The following AOPEP variants were observed in gnomAD, a reference collection of about 807,000 sequenced individuals.
The protein encoded by AOPEP is aminopeptidase O.
Under a neutral mutation model 98.1 loss-of-function variants are expected in AOPEP, and 77 were observed. The observed-to-expected ratio is 0.78, with a 90% CI of 0.65 to 0.95. The LOEUF is 0.95. Ranked by LOEUF, AOPEP falls within the 40% of genes least tolerant of loss-of-function variation. AOPEP has a pLI of 0.00. For missense variants in AOPEP, 1,024 were observed against 1,024.7 expected, an observed-to-expected ratio of 1.00 and a Z score of 0.01; for synonymous variants, 346 against 365.3, an observed-to-expected ratio of 0.95 and a Z score of 0.60.
chr9:95,101,357 T>A, the AOPEP span: 1 of 390,342 alleles, frequency 2.6e-6, no homozygotes, highest in Non-Finnish European at 4.7e-6. Context: ...TTTGAATTTT[T>A]AAATAATAGA....
intron 11 of AOPEP, among the ~76,000 whole-genome samples, chr9:94,982,804 C>G (rs575744344): frequency 6.6e-6 from 1 of 152,062 alleles, no homozygotes; most frequent in African/African-American, 2.4e-5. Context: ...TTGCACATTC[C>G]GCTAATTTGA....
At chr9:95,060,344 G>C (rs1377027584) in intron 13 of AOPEP, among the ~76,000 whole-genome samples, 1 of 152,176 alleles carries the variant, frequency 6.6e-6, no homozygotes, top group Non-Finnish European at 1.5e-5. Flanking sequence ...TCTTTGTCTA[G>C]GCTAAATTAC....
chr9:94,914,822 T>C (rs1332708691), intron 5 of AOPEP, among the ~76,000 whole-genome samples: 2 of 152,204 alleles, frequency 1.3e-5, no homozygotes, highest in Non-Finnish European at 2.9e-5. Context: ...TCCTAGGCCC[T>C]ACCCAGGCCT....
rs1264389207 is a variant in AOPEP at position 94,759,892 on chromosome 9, C to T, written c.109C>T (p.Gln37Ter). Residue 37 changes from glutamine to a stop codon, truncating the protein, a stop_gained, in exon 2 of 17, where the codon CAA becomes TAA. Transcript: ENST00000375315. LOFTEE classifies it high-confidence loss of function. The part of the protein sequence containing the change: ...VLDLDVDFES[Q>*]VIEGTIVLFL... The stretch of plus-strand genomic sequence containing the variant: ...GGATTTGGATGTGGATTTTGAAAGT[C>T]AAGTCATTGAGGGGACCATAGTGCT... The T allele has an allele frequency of 2.5e-6, 4 of 1,614,098 alleles. No individual in the cohort carries two copies. The highest frequency in any genetic ancestry group is 3.4e-6 in the Non-Finnish European group (4 of 1,180,004).
intron 3 of AOPEP, among the ~76,000 whole-genome samples, chr9:94,784,187 TTATG>T (rs1350582903): frequency 1.3e-5 from 2 of 152,174 alleles, no homozygotes; most frequent in Admixed American, 6.5e-5. Flanking sequence ...AGCAGAGTGG[TTATG>T]TGTGTGTGGT....
intron 11 of AOPEP, among the ~76,000 whole-genome samples, chr9:94,984,298 G>C (rs2060383608): frequency 6.6e-6 from 1 of 152,048 alleles, no homozygotes; most frequent in African/African-American, 2.4e-5. Flanking sequence ...CAAAGTGCTG[G>C]GATTACAGGC....
chr9:94,912,442 C>T (rs992225710), intron 5 of AOPEP, among the ~76,000 whole-genome samples: 6 of 152,084 alleles, frequency 3.9e-5, no homozygotes, highest in African/African-American at 1.4e-4. Context: ...TGATATGTTA[C>T]TAACACTTCA....
intron 5 of AOPEP, among the ~76,000 whole-genome samples, chr9:94,802,672 A>G (rs940066143): frequency 3.3e-5 from 5 of 152,230 alleles, no homozygotes; most frequent in African/African-American, 1.2e-4. Flanking sequence ...ACTTAGCAAC[A>G]ACAAGACTGC....
intron 1 of AOPEP, among the ~76,000 whole-genome samples, chr9:94,747,487 C>G (rs1040814491): frequency 5.3e-5 from 8 of 151,922 alleles, no homozygotes; most frequent in African/African-American, 1.9e-4. Flanking sequence ...ACATATAGCT[C>G]AATGTTGTTT....
chr9:95,049,948 C>T (rs927134212), intron 13 of AOPEP, among the ~76,000 whole-genome samples: 3 of 152,202 alleles, frequency 2.0e-5, no homozygotes, highest in African/African-American at 7.2e-5. Context: ...CATTTCAGAT[C>T]CCCTGCTCCC....
chr9:94,814,651 A>G (rs1564184006), intron 5 of AOPEP, among the ~76,000 whole-genome samples: 1 of 152,228 alleles, frequency 6.6e-6, no homozygotes, highest in Non-Finnish European at 1.5e-5. Flanking sequence ...GCTGCTGGGT[A>G]ATATTAGTTC....
At chr9:94,992,550 T>C (rs2060960377) in intron 11 of AOPEP, among the ~76,000 whole-genome samples, 1 of 151,884 alleles carries the variant, frequency 6.6e-6, no homozygotes, top group South Asian at 2.1e-4. Context: ...TTTCACAGAG[T>C]TCTTTATTAT....
At chr9:94,792,269 C>T (rs1456353711) in intron 3 of AOPEP, among the ~76,000 whole-genome samples, 1 of 152,190 alleles carries the variant, frequency 6.6e-6, no homozygotes, top group African/African-American at 2.4e-5. Flanking sequence ...GTCTCCCTTC[C>T]CTAGTCTCAT....
In AOPEP at chr9:95,026,811, A is replaced by G. The variant is rs75565062; in HGVS notation, c.2115+21195A>G. On this transcript the variant is annotated intron_variant, in intron 13 of 16. Coordinates refer to ENST00000375315, the MANE Select transcript of AOPEP (RefSeq NM_001193329.3). ...GGCTATACCACATTACCTTCCCACC[A>G]GTGATGAACAAGGGTCCCAGTTTCT... Among the ~76,000 whole-genome samples the G allele has an allele frequency of 5.1e-3, 784 of 152,334 alleles. 31 individuals carry two copies. In the East Asian group the frequency reaches 0.094, roughly 18 times the overall value.
chr9:95,118,677 TTG>T, the AOPEP span, among the ~76,000 whole-genome samples: 1 of 152,260 alleles, frequency 6.6e-6, no homozygotes, highest in East Asian at 1.9e-4. Flanking sequence ...ATGTTTTCTT[TTG>T]TGTCTGGCTT....
At chr9:95,037,347 T>TG (rs1192963977) in intron 13 of AOPEP, among the ~76,000 whole-genome samples, 2 of 152,228 alleles carry the variant, frequency 1.3e-5, no homozygotes, top group African/African-American at 4.8e-5. Flanking sequence ...TGATAGAAGA[T>TG]GATAGGCTGT....
intron 13 of AOPEP, among the ~76,000 whole-genome samples, chr9:95,025,824 G>A (rs1300200548): frequency 2.0e-5 from 3 of 152,098 alleles, no homozygotes; most frequent in Non-Finnish European, 2.9e-5. Flanking sequence ...TCTAAAAGTC[G>A]TGTGTTCCTA....
intron 3 of AOPEP, among the ~76,000 whole-genome samples, chr9:94,791,678 C>G (rs1347774620): frequency 2.6e-5 from 4 of 151,982 alleles, no homozygotes; most frequent in Non-Finnish European, 5.9e-5. Flanking sequence ...GAGCGCGACC[C>G]TGTCTCAAAA....
chr9:94,765,439 A>AATAATAAT (rs1839345297), intron 2 of AOPEP, among the ~76,000 whole-genome samples: 3 of 123,824 alleles, frequency 2.4e-5, no homozygotes, highest in African/African-American at 6.1e-5. Flanking sequence ...TTCTCTACAA[A>AATAATAAT]AATAATAATA....
Sources: allele counts gnomAD v4.1 joint callset (sites outside exome capture counted in the v4.1 genomes callset), GRCh38; gene constraint gnomAD v4.1.1; transcripts MANE v1.5; gene names NCBI Gene and HGNC (gene_info 2026-07-23, HGNC 2026-07-21).